The following GRID2 variants were observed in gnomAD, a reference collection of about 807,000 sequenced individuals.
GRID2 encodes glutamate ionotropic receptor delta type subunit 2, also known as glutamate receptor ionotropic, delta-2.
In GRID2, 33 loss-of-function variants were observed where a neutral mutation model predicts 114.8. That is an observed-to-expected ratio of 0.29 (90% CI 0.22 to 0.38). The LOEUF (loss-of-function observed/expected upper bound fraction) is 0.38, where lower values mean the gene tolerates loss of function less well. GRID2 is among the 10% of genes least tolerant of loss of function. The probability of loss-of-function intolerance (pLI) is 1.00; values close to 1 mark genes in which losing one functional copy is unlikely to be tolerated. For synonymous variants in GRID2, 505 were observed against 449.9 expected (o/e 1.12, Z -1.55); for missense variants, 1,184 against 1,257.7 (o/e 0.94, Z 0.89).
intron 2 of GRID2, among the ~76,000 whole-genome samples, chr4:92,599,876 T>A (rs1234349202): frequency 6.6e-6 from 1 of 151,162 alleles, no homozygotes; most frequent in Non-Finnish European, 1.5e-5. Flanking sequence ...AATACAAAAA[T>A]TAGCTGGGCC....
chr4:92,500,254 A>T (rs933567796), intron 1 of GRID2, among the ~76,000 whole-genome samples: 16 of 151,566 alleles, frequency 1.1e-4, no homozygotes, highest in African/African-American at 2.2e-4. Context: ...ACTTTAAAAA[A>T]TTTTTTCTTT....
chr4:93,697,867 G>GTATATATATATATATATATATATATA (rs1336222146), intron 14 of GRID2, among the ~76,000 whole-genome samples: 15 of 83,820 alleles, frequency 1.8e-4, no homozygotes, highest in African/African-American at 5.1e-4. Flanking sequence ...TCCACAATGT[G>GTATATATATATATATATATATATATA]TGTATATATA....
At chr4:93,499,511 C>T (rs538652307) in intron 12 of GRID2, among the ~76,000 whole-genome samples, 15 of 152,004 alleles carry the variant, frequency 9.9e-5, no homozygotes, top group African/African-American at 3.6e-4. Context: ...TCAAGCTAGA[C>T]TCTTATGGGA....
At chr4:92,488,892 C>A (rs1029525937) in intron 1 of GRID2, among the ~76,000 whole-genome samples, 3 of 152,140 alleles carry the variant, frequency 2.0e-5, no homozygotes, top group African/African-American at 2.4e-5. Flanking sequence ...CTCAAGGAGT[C>A]TCATGACCCT....
At chr4:93,340,238 CTCTTTT>C (rs989083716) in intron 8 of GRID2, among the ~76,000 whole-genome samples, 4 of 94,392 alleles carry the variant, frequency 4.2e-5, no homozygotes, top group African/African-American at 7.9e-5. Context: ...ATTATCTCCT[CTCTTTT>C]TTTTTTTTTT....
chr4:93,796,409 G>A (rs1734803469), intron 1 of GRID2, among the ~76,000 whole-genome samples: 1 of 152,156 alleles, frequency 6.6e-6, no homozygotes, highest in African/African-American at 2.4e-5. Flanking sequence ...TGGTTGCAAA[G>A]GAAATGAAGT....
intron 1 of GRID2, among the ~76,000 whole-genome samples, chr4:92,577,767 AC>A (rs1329950749): frequency 6.6e-6 from 1 of 152,172 alleles, no homozygotes; most frequent in African/African-American, 2.4e-5. Context: ...AAATGGAATT[AC>A]CATGGAATTA....
At chr4:93,226,386 C>A (rs1256395290) in intron 7 of GRID2, among the ~76,000 whole-genome samples, 2 of 152,020 alleles carry the variant, frequency 1.3e-5, no homozygotes, top group African/African-American at 4.8e-5. Context: ...ATTTCTATTC[C>A]AAAACAGAGA....
chr4:93,286,267 TAAATGAACCA>T (rs1479282396), intron 8 of GRID2, among the ~76,000 whole-genome samples: 1 of 152,140 alleles, frequency 6.6e-6, no homozygotes, highest in Non-Finnish European at 1.5e-5. Context: ...CTGACAATAA[TAAATGAACCA>T]ATTGTAGCCT....
At chr4:92,948,409 T>A (rs1751799324) in intron 2 of GRID2, among the ~76,000 whole-genome samples, 1 of 151,896 alleles carries the variant, frequency 6.6e-6, no homozygotes, top group South Asian at 2.1e-4. Flanking sequence ...TTATACTATT[T>A]TCCTATTTTA....
At chr4:92,370,879 A>T (rs1162469679) in intron 1 of GRID2, among the ~76,000 whole-genome samples, 1 of 152,152 alleles carries the variant, frequency 6.6e-6, no homozygotes, top group Non-Finnish European at 1.5e-5. Context: ...GTAAATGCAA[A>T]TGAAAAGTTC....
chr4:93,146,759 G>A (rs1736303738), intron 4 of GRID2, among the ~76,000 whole-genome samples: 1 of 152,002 alleles, frequency 6.6e-6, no homozygotes, highest in African/African-American at 2.4e-5. Context: ...TAAATAAAAT[G>A]TTTTGTAATG....
chr4:92,366,632 T>C (rs1228494115), intron 1 of GRID2, among the ~76,000 whole-genome samples: 2 of 151,974 alleles, frequency 1.3e-5, no homozygotes, highest in Non-Finnish European at 2.9e-5. Context: ...ATTTACTTTA[T>C]AAGCTACATA....
At chr4:93,700,842 TAATG>T (rs1454190915) in intron 14 of GRID2, among the ~76,000 whole-genome samples, 1 of 152,136 alleles carries the variant, frequency 6.6e-6, no homozygotes, top group African/African-American at 2.4e-5. Context: ...GTGTGTGCCA[TAATG>T]AATCTGTTTT....
intron 13 of GRID2, among the ~76,000 whole-genome samples, chr4:93,613,746 AG>A (rs1225160813): frequency 1.3e-5 from 2 of 149,820 alleles, no homozygotes; most frequent in African/African-American, 4.9e-5. Context: ...AAGTCTGCAG[AG>A]GTTACTGCTG....
intron 4 of GRID2, among the ~76,000 whole-genome samples, chr4:93,170,438 A>G (rs1579182480): frequency 1.3e-5 from 2 of 152,058 alleles, no homozygotes; most frequent in Admixed American, 6.6e-5. Context: ...AATGTCAGTC[A>G]TATCTCTGGT....
At chr4:93,410,494 A>G (rs1406700183) in intron 9 of GRID2, among the ~76,000 whole-genome samples, 1 of 152,172 alleles carries the variant, frequency 6.6e-6, no homozygotes, top group African/African-American at 2.4e-5. Context: ...TCTCACCTCC[A>G]TTGGAATCCA....
intron 2 of GRID2, among the ~76,000 whole-genome samples, chr4:93,068,967 G>A (rs989382897): frequency 3.9e-5 from 6 of 151,902 alleles, no homozygotes. Flanking sequence ...ACTGTGTAAG[G>A]TGAAGGGGGA....
chr4:93,091,705 C>T (rs1730806084), intron 3 of GRID2, among the ~76,000 whole-genome samples: 1 of 152,130 alleles, frequency 6.6e-6, no homozygotes, highest in South Asian at 2.1e-4. Context: ...TTTTATAAAA[C>T]TTACAGAGAC....
Sources: gnomAD v4.1 joint callset for allele counts (sites outside exome capture counted in the v4.1 genomes callset) on GRCh38, gnomAD v4.1.1 for gene constraint, MANE v1.5 for transcripts, NCBI Gene and HGNC (gene_info 2026-07-23, HGNC 2026-07-21) for gene names.